Variants in SHB observed in about 807,000 individuals in gnomAD.
The protein encoded by SHB is SH2 domain containing adaptor protein B.
In SHB, 20 loss-of-function variants were observed where a neutral mutation model predicts 52.3. That is an observed-to-expected ratio of 0.38 (90% CI 0.27 to 0.56). SHB has a LOEUF of 0.56. Ranked by LOEUF, SHB falls within the 20% of genes least tolerant of loss-of-function variation. The pLI is 0.71. For missense variants in SHB, 825 were observed against 723.3 expected, an observed-to-expected ratio of 1.14 and a Z score of -1.61; for synonymous variants, 397 against 316.5, an observed-to-expected ratio of 1.25 and a Z score of -2.70.
At chr9:38,047,394 C>T (rs939866784) in intron 1 of SHB, among the ~76,000 whole-genome samples, 1 of 152,226 alleles carries the variant, frequency 6.6e-6, no homozygotes, top group African/African-American at 2.4e-5. Context: ...TCTTCTTACC[C>T]ACAAGTGTGT....
rs1345470128 is a variant in SHB at position 38,068,578 on chromosome 9, G to A, written c.68C>T (p.Pro23Leu). The A allele has an allele frequency of 2.0e-6, 3 of 1,490,428 alleles. No homozygotes were observed. Among genetic ancestry groups the A allele is most frequent in the South Asian group, 2.6e-5 (2 of 77,498 alleles). The allele number at this position is 1,490,428 out of a possible 1,614,324, so 92.3% of individuals were successfully genotyped here. A position where few individuals can be genotyped will look rare whatever the true frequency, so the allele number is the denominator to read the frequency against. ...NSKTKSPPQPPRPDYREQRRR... is the reference protein window; with the variant it reads ...NSKTKSPPQPLRPDYREQRRR... ...CCGCTGCTCGCGGTAGTCTGGCCGCGGCGGCTGCGGGGGGCTCTTGGTCTT... is the reference window on the plus strand; with the variant it reads ...CCGCTGCTCGCGGTAGTCTGGCCGCAGCGGCTGCGGGGGGCTCTTGGTCTT... The change falls in exon 1 of 6, where the codon CCG (proline) becomes CTG (leucine). Residue 23 changes from proline to leucine, a missense_variant. Transcript: ENST00000377707.
At chr9:37,933,930 C>T (rs538624939) in intron 5 of SHB, among the ~76,000 whole-genome samples, 3 of 152,230 alleles carry the variant, frequency 2.0e-5, no homozygotes, top group Admixed American at 6.5e-5. Flanking sequence ...CAGGAAGACC[C>T]GGGCTACTCT....
chr9:37,938,543 T>C (rs1040387257), intron 5 of SHB, among the ~76,000 whole-genome samples: 22 of 152,386 alleles, frequency 1.4e-4, no homozygotes, highest in African/African-American at 5.3e-4. Flanking sequence ...AGAAGGCAAC[T>C]GTCCCGGGGC....
At chr9:37,982,145 T>C (rs1820735437) in intron 2 of SHB, among the ~76,000 whole-genome samples, 1 of 151,376 alleles carries the variant, frequency 6.6e-6, no homozygotes. Context: ...CAATGCACAA[T>C]AAAATGAAGT....
At chr9:38,015,101 C>G (rs1564102161) in intron 2 of SHB, among the ~76,000 whole-genome samples, 2 of 152,210 alleles carry the variant, frequency 1.3e-5, no homozygotes. Context: ...TGCTCCCAGC[C>G]ACTCTCCTGC....
At chr9:38,060,350 T>C (rs1008628827) in intron 1 of SHB, among the ~76,000 whole-genome samples, 12 of 152,116 alleles carry the variant, frequency 7.9e-5, no homozygotes, top group African/African-American at 2.9e-4. Context: ...AATTTTTGTA[T>C]TTTTAATAGA....
intron 3 of SHB, among the ~76,000 whole-genome samples, chr9:37,963,579 C>T (rs1241242153): frequency 6.6e-6 from 1 of 152,152 alleles, no homozygotes; most frequent in Admixed American, 6.5e-5. Flanking sequence ...GCAGGGGTTC[C>T]TGCACAGCAC....
chr9:37,949,245 T>C (rs1832532107), intron 4 of SHB, among the ~76,000 whole-genome samples: 1 of 151,690 alleles, frequency 6.6e-6, no homozygotes, highest in Non-Finnish European at 1.5e-5. Flanking sequence ...ATACAAAAAT[T>C]AGCCGGGCGT....
At chr9:37,987,978 C>T (rs1049397785) in intron 2 of SHB, among the ~76,000 whole-genome samples, 8 of 152,138 alleles carry the variant, frequency 5.3e-5, no homozygotes, top group Non-Finnish European at 1.2e-4. Flanking sequence ...TGAGGTACCC[C>T]TCACCACATG....
Position 38,003,872 on chromosome 9 carries a change from C to T in SHB, c.838+12139G>A, listed in dbSNP as rs112049007. Among the ~76,000 whole-genome samples the T allele has an allele frequency of 1.8e-3, 275 of 152,306 alleles. 2 individuals carry two copies. The highest frequency in any genetic ancestry group is 2.1e-3 in the Non-Finnish European group (144 of 68,008). ...AGAAGAGGTCAAGGAAGGGAGGATG[C>T]TGTCGCCCACCGGCTGGTTCCCAAT... On this transcript the variant is annotated intron_variant, in intron 2 of 5. Coordinates refer to ENST00000377707, the MANE Select transcript of SHB (RefSeq NM_003028.3).
rs904858382 is a variant in SHB, at chr9:37,916,646, T to G, written c.*3175A>C. The stretch of plus-strand genomic sequence containing the variant: ...GGGCCTGCCTCCTGAAGCCTCGGAG[T>G]CTTTGCACCCCTTTCCTGGGAACAG... On this transcript the variant is annotated 3_prime_UTR_variant, in exon 6 of 6. Coordinates refer to ENST00000377707, the MANE Select transcript of SHB (RefSeq NM_003028.3). Among the ~76,000 whole-genome samples, 1 of 152,186 alleles carries G rather than the reference T, an allele frequency of 6.6e-6. No individual in the cohort carries two copies. Among genetic ancestry groups the G allele is most frequent in the South Asian group, 2.1e-4 (1 of 4,828 alleles).
At chr9:38,002,952 A>C (rs1169195577) in intron 2 of SHB, among the ~76,000 whole-genome samples, 1 of 152,180 alleles carries the variant, frequency 6.6e-6, no homozygotes, top group Non-Finnish European at 1.5e-5. Context: ...AGGCAGCCAG[A>C]AACTTTTTAT....
chr9:38,049,333 G>A lies in SHB; in HGVS notation c.717+18596C>T, dbSNP rs190148472. On this transcript the variant is annotated intron_variant, in intron 1 of 5. Transcript: ENST00000377707. ...CCTCACTGAAAACAGGCTCAGATGGGTGTGGTGGCTCATGCCTGTAATCCC... is the reference window on the plus strand; with the variant it reads ...CCTCACTGAAAACAGGCTCAGATGGATGTGGTGGCTCATGCCTGTAATCCC... 5.1e-3 allele frequency among the ~76,000 whole-genome samples: 779 copies of A among 152,306 alleles called. 6 individuals carry two copies. The highest frequency in any genetic ancestry group is 9.1e-3 in the Admixed American group (140 of 15,308).
intron 3 of SHB, among the ~76,000 whole-genome samples, chr9:37,966,181 A>T (rs1421690317): frequency 1.3e-5 from 2 of 152,266 alleles, no homozygotes; most frequent in Admixed American, 6.5e-5. Context: ...TGCCAGGCAC[A>T]GATCACAGGT....
intron 2 of SHB, among the ~76,000 whole-genome samples, chr9:38,011,156 T>C (rs1192476591): frequency 6.6e-6 from 1 of 152,082 alleles, no homozygotes; most frequent in Non-Finnish European, 1.5e-5. Flanking sequence ...CCGGGGACCT[T>C]AAGCCTGGGA....
chr9:38,049,811 T>C (rs1355911318), intron 1 of SHB, among the ~76,000 whole-genome samples: 1 of 150,590 alleles, frequency 6.6e-6, no homozygotes, highest in African/African-American at 2.4e-5. Flanking sequence ...TTTTTTTTTT[T>C]TTTTGGAGAC....
intron 1 of SHB, among the ~76,000 whole-genome samples, chr9:38,041,462 C>A (rs1039730301): frequency 1.3e-5 from 2 of 152,146 alleles, no homozygotes; most frequent in Admixed American, 6.5e-5. Context: ...TGCCAACTAG[C>A]AGGATCTGAG....
At chr9:38,015,445 A>T (rs1274422405) in intron 2 of SHB, 3 of 703,050 alleles carry the variant, frequency 4.3e-6, no homozygotes, top group Non-Finnish European at 7.8e-6. Context: ...ACAGGAAAAC[A>T]GCCACTGGGG....
chr9:37,974,069 A>G (rs1351974069), intron 3 of SHB, among the ~76,000 whole-genome samples: 2 of 152,184 alleles, frequency 1.3e-5, no homozygotes, highest in African/African-American at 4.8e-5. Flanking sequence ...AGCCTGGCCA[A>G]CATAGTGAAA....
Sources: allele counts gnomAD v4.1 joint callset (sites outside exome capture counted in the v4.1 genomes callset), GRCh38; gene constraint gnomAD v4.1.1; transcripts MANE v1.5; gene names NCBI Gene and HGNC (gene_info 2026-07-23, HGNC 2026-07-21).